The following ERC1 variants were observed in gnomAD, a reference collection of about 807,000 sequenced individuals.
The protein encoded by ERC1 is ELKS/RAB6-interacting/CAST family member 1.
ERC1 carries 56 observed loss-of-function variants against 132.0 expected under a neutral mutation model. The ratio of observed to expected loss-of-function variants is 0.42; its 90% CI spans 0.34 to 0.53. The LOEUF is 0.53. Ranked by LOEUF, ERC1 falls within the 20% of genes least tolerant of loss-of-function variation. The pLI, the probability that ERC1 is intolerant of heterozygous loss-of-function variation, is 0.03. For synonymous variants in ERC1, 478 were observed against 476.1 expected, an observed-to-expected ratio of 1.00 and a Z score of -0.05; for missense variants, 1,202 against 1,349.9, an observed-to-expected ratio of 0.89 and a Z score of 1.72.
intron 12 of ERC1, among the ~76,000 whole-genome samples, chr12:1,196,945 CACACACACACACACACATATATAT>C (rs1956353501): frequency 2.6e-5 from 1 of 39,158 alleles, no homozygotes; most frequent in African/African-American, 3.2e-4. Flanking sequence ...CACACACACA[CACACACACACACACACATATATAT>C]ATATATATTT....
At chr12:1,245,795 T>C (rs976210403) in intron 13 of ERC1, among the ~76,000 whole-genome samples, 15 of 152,330 alleles carry the variant, frequency 9.8e-5, no homozygotes, top group African/African-American at 3.4e-4. Flanking sequence ...TACGATGTCA[T>C]GGTGCCACTC....
chr12:1,493,667 G>C lies in ERC1; in HGVS notation c.*3437G>C, dbSNP rs1323835694. 1.1e-5 allele frequency: 2 copies of C among 181,742 alleles called. No homozygotes were observed. Among genetic ancestry groups the C allele is most frequent in the East Asian group, 1.7e-4 (2 of 11,456 alleles). 11.3% of individuals were successfully genotyped at this position (181,742 alleles called of 1,614,324 possible). ...TCTAAAGATCTACCTGTGGCTCTCAGACTTCCTCACACTTGGGTTTTAGAA... is the reference window on the plus strand; with the variant it reads ...TCTAAAGATCTACCTGTGGCTCTCACACTTCCTCACACTTGGGTTTTAGAA... On this transcript the variant is annotated 3_prime_UTR_variant, in exon 19 of 19. Transcript: ENST00000360905.
intron 15 of ERC1, among the ~76,000 whole-genome samples, chr12:1,368,050 G>A (rs1294443312): frequency 1.3e-5 from 2 of 150,756 alleles, no homozygotes; most frequent in African/African-American, 4.9e-5. Context: ...TTTGCCCTGG[G>A]CTTGTGGCAT....
In ERC1 at chr12:1,330,420, C is replaced by T. The variant is rs1190619399; in HGVS notation, c.2780+40408C>T. Among the ~76,000 whole-genome samples, 5 of 152,042 alleles carry T rather than the reference C, an allele frequency of 3.3e-5. No individual in the cohort carries two copies. In the East Asian group the frequency reaches 9.7e-4, roughly 29 times the overall value. On this transcript the variant is annotated intron_variant, in intron 15 of 18. Coordinates refer to ENST00000360905, the MANE Select transcript of ERC1 (RefSeq NM_178040.4). ...TTACTTAAATTGCTGCCTGTTTTCC[C>T]TCACTCCTTCTCCCAGTTTTTGTAT...
At chr12:993,093 AG>A (rs1286508996) in intron 1 of ERC1, among the ~76,000 whole-genome samples, 2 of 152,260 alleles carry the variant, frequency 1.3e-5, no homozygotes, top group African/African-American at 4.8e-5. Flanking sequence ...TATGGGAAAC[AG>A]GACATAATAG....
At chr12:1,167,384 G>C (rs1014865531) in intron 8 of ERC1, among the ~76,000 whole-genome samples, 2 of 152,226 alleles carry the variant, frequency 1.3e-5, no homozygotes, top group Non-Finnish European at 2.9e-5. Flanking sequence ...TGTTTGGTTA[G>C]ATGCCCAGGT....
Position 1,189,886 on chromosome 12 carries a change from G to A in ERC1, c.2185G>A (p.Ala729Thr). ...ACATGAGGCAGCATTGGAAGCCAGA[G>A]CCAGTCCAGAGATGAGTGACCGAAT... ...KAHEAALEARASPEMSDRIQH... is the reference protein window; with the variant it reads ...KAHEAALEARTSPEMSDRIQH... The change falls in exon 12 of 19, where the codon GCC (alanine) becomes ACC (threonine). Residue 729 changes from alanine to threonine, a missense_variant. Coordinates refer to ENST00000360905, the MANE Select transcript of ERC1 (RefSeq NM_178040.4). The A allele has an allele frequency of 2.5e-6, 4 of 1,611,126 alleles. No individual in the cohort carries two copies. In the East Asian group the frequency reaches 8.9e-5, roughly 36 times the overall value.
rs148117223 is a variant in ERC1, at chr12:1,388,807, A to T, written c.2925+16830A>T. Among the ~76,000 whole-genome samples, 87 of 152,268 alleles carry T rather than the reference A, an allele frequency of 5.7e-4. 1 individual carries two copies. The East Asian group carries it at 0.016, about 28-fold the overall frequency. ...AGGACAAGAATATAGGGTAGTTGAG[A>T]TGGAGTAATGTATTCACTAGGCCAT... On this transcript the variant is annotated intron_variant, in intron 16 of 18. Transcript: ENST00000360905.
chr12:1,003,096 C>CAAAA (rs59507923), intron 1 of ERC1, among the ~76,000 whole-genome samples: 10 of 86,920 alleles, frequency 1.2e-4, no homozygotes, highest in Admixed American at 3.1e-4. Flanking sequence ...ATGAAAAATG[C>CAAAA]AAAAAAAAAA....
chr12:1,181,911 T>C lies in ERC1; in HGVS notation c.1876-14T>C. 6 of 1,604,148 alleles carry C rather than the reference T, an allele frequency of 3.7e-6. No individual in the cohort carries two copies. Among genetic ancestry groups the C allele is most frequent in the Non-Finnish European group, 5.1e-6 (6 of 1,175,430 alleles). Reference sequence around the variant, plus strand: ...AAGGGAATTTCTTCACATGTTGATATATTCTCTCATCAGGAGCGGACAATT... The same window carrying C: ...AAGGGAATTTCTTCACATGTTGATACATTCTCTCATCAGGAGCGGACAATT... On this transcript the variant is annotated splice_polypyrimidine_tract_variant and intron_variant, in intron 9 of 18. Coordinates refer to ENST00000360905, the MANE Select transcript of ERC1 (RefSeq NM_178040.4).
rs144032339 is a variant in ERC1, at chr12:1,051,625, G to A, written c.669+23053G>A. Among the ~76,000 whole-genome samples, 746 of 152,050 alleles carry A rather than the reference G, an allele frequency of 4.9e-3. 2 individuals are homozygous for A. Among genetic ancestry groups the A allele is most frequent in the South Asian group, 0.011 (55 of 4,824 alleles). The stretch of plus-strand genomic sequence containing the variant: ...TCCCAGCTACTCAGGAGGCTAAGGT[G>A]GGAGGATTGCTGGAGTCCAGGAGGT... On this transcript the variant is annotated intron_variant, in intron 2 of 18. Coordinates refer to ENST00000360905, the MANE Select transcript of ERC1 (RefSeq NM_178040.4).
chr12:1,259,100 C>CAG (rs4017778), intron 13 of ERC1, among the ~76,000 whole-genome samples: 1 of 151,772 alleles, frequency 6.6e-6, no homozygotes, highest in African/African-American at 2.4e-5. Context: ...TATATCAGAA[C>CAG]TATGTATTTT....
chr12:992,723 T>C (rs1251299238), intron 1 of ERC1, among the ~76,000 whole-genome samples: 3 of 152,250 alleles, frequency 2.0e-5, no homozygotes, highest in Non-Finnish European at 4.4e-5. Flanking sequence ...GGATTCTTGC[T>C]CCCTGTTAGA....
At chr12:1,232,087 G>A (rs2075084402) in intron 12 of ERC1, among the ~76,000 whole-genome samples, 1 of 152,058 alleles carries the variant, frequency 6.6e-6, no homozygotes, top group African/African-American at 2.4e-5. Context: ...TTGTCTATTA[G>A]CACTTTGACT....
At chr12:1,113,239 C>G (rs1946084918) in intron 6 of ERC1, among the ~76,000 whole-genome samples, 1 of 152,138 alleles carries the variant, frequency 6.6e-6, no homozygotes, top group East Asian at 1.9e-4. Context: ...CCCCCATGGA[C>G]CCATGGATAC....
chr12:1,073,316 A>C (rs757675272), intron 2 of ERC1, among the ~76,000 whole-genome samples: 4 of 151,578 alleles, frequency 2.6e-5, no homozygotes, highest in Non-Finnish European at 4.4e-5. Flanking sequence ...AAATTTAAAA[A>C]AATGTTTTTT....
chr12:1,411,418 G>A (rs527762734), intron 17 of ERC1, among the ~76,000 whole-genome samples: 2 of 152,136 alleles, frequency 1.3e-5, no homozygotes, highest in East Asian at 3.9e-4. Flanking sequence ...GAGGACATGT[G>A]TAGATCTCTT....
intron 17 of ERC1, chr12:1,410,486 G>A: frequency 9.7e-7 from 1 of 1,027,000 alleles, no homozygotes; most frequent in Non-Finnish European, 1.3e-6. Flanking sequence ...TATAGAAATG[G>A]TTTTTGTTTG....
At chr12:1,080,338 G>A (rs1401871236) in intron 2 of ERC1, among the ~76,000 whole-genome samples, 2 of 151,916 alleles carry the variant, frequency 1.3e-5, no homozygotes, top group Non-Finnish European at 2.9e-5. Context: ...TTATCAATTC[G>A]ACTGCTCTAG....
Sources: gnomAD v4.1 joint callset for allele counts (sites outside exome capture counted in the v4.1 genomes callset) on GRCh38, gnomAD v4.1.1 for gene constraint, MANE v1.5 for transcripts, NCBI Gene and HGNC (gene_info 2026-07-23, HGNC 2026-07-21) for gene names.